The following ANKRD13C variants were observed in gnomAD, a reference collection of about 807,000 sequenced individuals.
The protein encoded by ANKRD13C is ankyrin repeat domain-containing protein 13C.
Under a neutral mutation model 65.5 loss-of-function variants are expected in ANKRD13C, and 16 were observed. That is an observed-to-expected ratio of 0.24 (90% CI 0.17 to 0.37). The LOEUF (loss-of-function observed/expected upper bound fraction) is 0.37, where lower values mean the gene tolerates loss of function less well. Among genes scored for constraint, ANKRD13C ranks in the 10% least tolerant of loss-of-function variants. The pLI, the probability that ANKRD13C is intolerant of heterozygous loss-of-function variation, is 1.00. For synonymous variants in ANKRD13C, 235 were observed against 238.7 expected (o/e 0.98, Z 0.14); for missense variants, 503 against 655.9 (o/e 0.77, Z 2.55).
chr1:70,306,642 G>A (rs1030642206), intron 5 of ANKRD13C, among the ~76,000 whole-genome samples: 2 of 152,046 alleles, frequency 1.3e-5, no homozygotes, highest in Non-Finnish European at 2.9e-5. Flanking sequence ...AGATAGACCT[G>A]AACCTTATCT....
intron 6 of ANKRD13C, among the ~76,000 whole-genome samples, chr1:70,304,395 A>T (rs954255827): frequency 1.1e-4 from 16 of 152,004 alleles, no homozygotes; most frequent in African/African-American, 3.6e-4. Context: ...AGGACTCAGA[A>T]TAAAAACTTT....
At chr1:70,328,352 G>A (rs1681639227) in intron 2 of ANKRD13C, among the ~76,000 whole-genome samples, 1 of 152,094 alleles carries the variant, frequency 6.6e-6, no homozygotes, top group Non-Finnish European at 1.5e-5. Context: ...AGTATATAAT[G>A]ATTGCATTGT....
At chr1:70,344,447 A>G (rs1322073006) in intron 1 of ANKRD13C, among the ~76,000 whole-genome samples, 3 of 151,048 alleles carry the variant, frequency 2.0e-5, no homozygotes, top group African/African-American at 7.4e-5. Context: ...CAGGATGACA[A>G]AGCGAGACCC....
In ANKRD13C at chr1:70,293,011, C is replaced by G. The variant is rs182789467; in HGVS notation, c.1054-462G>C. ...TAAATAGTCCATGTCACACAAGAAT[C>G]TCTAGTACAACCAGAATTAATGACC... On this transcript the variant is annotated intron_variant, in intron 8 of 12. Transcript: ENST00000370944. 2.1e-3 allele frequency among the ~76,000 whole-genome samples: 325 copies of G among 152,266 alleles called. 1 individual carries two copies. Among genetic ancestry groups the G allele is most frequent in the Non-Finnish European group, 3.9e-3 (264 of 68,002 alleles).
chr1:70,296,397 GTTAC>G (rs1275069329), intron 7 of ANKRD13C, 136 bp from the exon 8 acceptor site: 24 of 823,890 alleles, frequency 2.9e-5, no homozygotes, highest in African/African-American at 2.3e-4. Flanking sequence ...AATGTGAAGT[GTTAC>G]TTACTCTAAA....
intron 1 of ANKRD13C, among the ~76,000 whole-genome samples, chr1:70,336,477 G>A (rs958633541): frequency 6.6e-6 from 1 of 151,908 alleles, no homozygotes; most frequent in African/African-American, 2.4e-5. Context: ...CAAGTTGTTC[G>A]GAAAGTCTGC....
chr1:70,296,061 A>G, intron 8 of ANKRD13C, 69 bp downstream of exon 8: 1 of 1,544,592 alleles, frequency 6.5e-7, no homozygotes, highest in Non-Finnish European at 8.7e-7. Context: ...TTGCATTTCC[A>G]TCACGTTATT....
intron 2 of ANKRD13C, among the ~76,000 whole-genome samples, chr1:70,335,123 T>C (rs574281741): frequency 6.6e-6 from 1 of 151,916 alleles, no homozygotes; most frequent in African/African-American, 2.4e-5. Flanking sequence ...AAAAATTGTA[T>C]CATTTGGGTG....
intron 1 of ANKRD13C, among the ~76,000 whole-genome samples, chr1:70,340,562 C>T (rs549415522): frequency 6.6e-6 from 1 of 152,084 alleles, no homozygotes; most frequent in Admixed American, 6.6e-5. Flanking sequence ...TGGTGTTGTT[C>T]GTATTTTTTA....
intron 1 of ANKRD13C, among the ~76,000 whole-genome samples, chr1:70,342,543 G>A (rs1238504517): frequency 6.6e-6 from 1 of 151,966 alleles, no homozygotes; most frequent in African/African-American, 2.4e-5. Flanking sequence ...ACTCGGTGGA[G>A]GGGGGAATAA....
At chr1:70,320,146 A>C (rs1159511004) in intron 3 of ANKRD13C, among the ~76,000 whole-genome samples, 1 of 152,194 alleles carries the variant, frequency 6.6e-6, no homozygotes, top group Non-Finnish European at 1.5e-5. Flanking sequence ...GACACATAGA[A>C]AGCCAGATGG....
In ANKRD13C at chr1:70,274,758, C is replaced by T. The variant is rs747725792; in HGVS notation, c.1356G>A (p.Thr452=). 1.2e-5 allele frequency: 19 copies of T among 1,613,876 alleles called. No homozygotes were observed. In the South Asian group the frequency reaches 1.5e-4, roughly 13 times the overall value. The part of the protein sequence containing the change: ...CKESKKTFKA[T]IAMSQEFPLG... ...AGGGAAATTCCTGGCTCATGGCTAT[C>T]GTAGCTTTAAACGTTTTCTTACTCT... Residue 452 remains threonine (T), a synonymous_variant, in exon 11 of 13, where the codon ACG becomes ACA. Coordinates refer to ENST00000370944, the MANE Select transcript of ANKRD13C (RefSeq NM_030816.5).
intron 1 of ANKRD13C, among the ~76,000 whole-genome samples, chr1:70,346,636 C>A (rs149264596): frequency 6.6e-6 from 1 of 152,254 alleles, no homozygotes; most frequent in East Asian, 1.9e-4. Flanking sequence ...CTCAAAAATG[C>A]TAATATACTA....
At chr1:70,297,739 C>G (rs1470245985) in intron 7 of ANKRD13C, among the ~76,000 whole-genome samples, 1 of 150,178 alleles carries the variant, frequency 6.7e-6, no homozygotes, top group East Asian at 2.0e-4. Context: ...CATGGTGAAA[C>G]CCCGTCTCTA....
intron 3 of ANKRD13C, among the ~76,000 whole-genome samples, chr1:70,323,796 C>T (rs1004619734): frequency 6.6e-6 from 1 of 150,382 alleles, no homozygotes; most frequent in African/African-American, 2.5e-5. Context: ...GCGATCTCGG[C>T]TCACTGCAAC....
intron 9 of ANKRD13C, among the ~76,000 whole-genome samples, chr1:70,284,293 T>C (rs1215815324): frequency 1.3e-5 from 2 of 152,136 alleles, no homozygotes; most frequent in African/African-American, 4.8e-5. Context: ...ATGGAAATTC[T>C]ATTAAAACAT....
In ANKRD13C at chr1:70,296,158, G is replaced by T. The variant is rs753511738; in HGVS notation, c.1025C>A (p.Thr342Lys). ...TTTATCTTCCCGAAAAAGCCATCCTGTCTGGGCACGCGTGAAAGAAATTGA... is the reference window on the plus strand; with the variant it reads ...TTTATCTTCCCGAAAAAGCCATCCTTTCTGGGCACGCGTGAAAGAAATTGA... ...TKSISFTRAQ[T>K]GWLFREDKTE... Residue 342 changes from threonine (T) to lysine (K), a missense_variant, in exon 8 of 13, where the codon ACA (threonine) becomes AAA (lysine). By Grantham distance (78) the Thr-to-Lys change is moderately conservative (BLOSUM62 -1). Around this residue, in one of 2 missense-constraint regions of ANKRD13C, gnomAD observed 300 missense variants for 478.3 expected, o/e 0.63. Transcript: ENST00000370944. 7 of 1,613,844 alleles carry T rather than the reference G, an allele frequency of 4.3e-6. No homozygotes were observed. The South Asian group carries it at 6.6e-5, about 15-fold the overall frequency.
chr1:70,286,428 A>C (rs1179496811), intron 9 of ANKRD13C, among the ~76,000 whole-genome samples: 1 of 152,120 alleles, frequency 6.6e-6, no homozygotes, highest in African/African-American at 2.4e-5. Flanking sequence ...GTAATTATTA[A>C]ATGACTTAAG....
At chr1:70,302,586 C>T (rs575432364) in intron 6 of ANKRD13C, among the ~76,000 whole-genome samples, 1 of 136,262 alleles carries the variant, frequency 7.3e-6, no homozygotes, top group African/African-American at 2.9e-5. Flanking sequence ...ATTAGCCGGG[C>T]GTAGTGGCGG....
Sources: allele counts gnomAD v4.1 joint callset (sites outside exome capture counted in the v4.1 genomes callset), GRCh38; gene constraint gnomAD v4.1.1; regional missense constraint gnomAD v4.1.1; transcripts MANE v1.5; gene names NCBI Gene and HGNC (gene_info 2026-07-23, HGNC 2026-07-21).